Variants in ERAP2 observed in about 807,000 individuals in gnomAD.
ERAP2 encodes endoplasmic reticulum aminopeptidase 2.
A neutral mutation model predicts 111.1 loss-of-function variants in ERAP2; 118 were observed. The observed-to-expected ratio is 1.06, with a 90% CI of 0.92 to 1.24. The LOEUF is 1.24. Among genes scored for constraint, ERAP2 ranks in the 50% most tolerant of loss-of-function variants. The pLI, the probability that ERAP2 is intolerant of heterozygous loss-of-function variation, is 0.00. For missense variants in ERAP2, 1,131 were observed against 1,125.8 expected (o/e 1.00, Z -0.07); for synonymous variants, 410 against 401.2 (o/e 1.02, Z -0.26).
intron 15 of ERAP2, among the ~76,000 whole-genome samples, chr5:96,912,045 C>CCGGGCGCGGTGG (rs1470955295): frequency 1.7e-4 from 26 of 150,978 alleles, no homozygotes; most frequent in African/African-American, 6.1e-4. Context: ...AAAAAATTAG[C>CCGGGCGCGGTGG]CGGGCGCGGT....
At chr5:96,878,786 G>A (rs534469722) in intron 1 of ERAP2, among the ~76,000 whole-genome samples, 20 of 152,124 alleles carry the variant, frequency 1.3e-4, no homozygotes, top group South Asian at 6.2e-4. Flanking sequence ...AAATTAGCTG[G>A]GTGTGGTGGC....
intron 10 of ERAP2, 78 bp from the exon 11 acceptor site, chr5:96,901,428 A>C: frequency 6.7e-7 from 1 of 1,483,418 alleles, no homozygotes; most frequent in Non-Finnish European, 9.2e-7. Context: ...CTGGCATCCA[A>C]GGAGATGGAA....
intron 1 of ERAP2, among the ~76,000 whole-genome samples, chr5:96,877,185 G>A (rs573897740): frequency 1.3e-5 from 2 of 152,264 alleles, no homozygotes; most frequent in East Asian, 3.9e-4. Context: ...ATGTTGGTGA[G>A]GCTGGTCTCG....
chr5:96,884,749 C>T (rs1333251989), intron 3 of ERAP2, among the ~76,000 whole-genome samples: 5 of 151,428 alleles, frequency 3.3e-5, no homozygotes, highest in Admixed American at 6.6e-5. Context: ...TCAGTAGAGA[C>T]GGGGTTTCAC....
chr5:96,887,659 A>G (rs902324237), intron 4 of ERAP2, among the ~76,000 whole-genome samples: 6 of 152,216 alleles, frequency 3.9e-5, no homozygotes, highest in Non-Finnish European at 7.3e-5. Context: ...TATAATTTTT[A>G]GAGTCTTCGT....
At chr5:96,891,509 ATATATATGCCCATATAC>A (rs1561371915) in intron 5 of ERAP2, among the ~76,000 whole-genome samples, 5 of 31,488 alleles carry the variant, frequency 1.6e-4, no homozygotes, top group African/African-American at 2.5e-4. Context: ...GTATATATAT[ATATATATGCCCATATAC>A]GGTATATATA....
At chr5:96,912,555 T>A in intron 15 of ERAP2, 82 bp from the exon 16 acceptor site, 3 of 955,110 alleles carry the variant, frequency 3.1e-6, no homozygotes, top group Non-Finnish European at 4.7e-6. Context: ...GAGATTATTG[T>A]GTTATAGGAC....
At chr5:96,878,629 C>T (rs1026976292) in intron 1 of ERAP2, among the ~76,000 whole-genome samples, 2 of 151,142 alleles carry the variant, frequency 1.3e-5, no homozygotes, top group Non-Finnish European at 3.0e-5. Flanking sequence ...CATTGTCTTT[C>T]AAAAAAAATA....
At chr5:96,917,390 G>A in intron 18 of ERAP2, 72 bp from the exon 19 acceptor site, 1 of 1,462,024 alleles carries the variant, frequency 6.8e-7, no homozygotes, top group Non-Finnish European at 9.3e-7. Context: ...CGAAGTGCTG[G>A]GATTACAGGT....
rs1001203995 is a variant in ERAP2 at position 96,884,062 on chromosome 5, CT to C, written c.714+133del. 1.3e-3 allele frequency: 877 copies of C among 649,788 alleles called. 6 individuals are homozygous for C. In the African/African-American group the frequency reaches 0.015, roughly 11 times the overall value. 40.3% of individuals were successfully genotyped at this position (649,788 alleles called of 1,614,324 possible). ...TCTATCTATCTATCTATCTATCTATCTATCTATCTATCTATCTATCATCATA... is the reference window on the plus strand; with the variant it reads ...TCTATCTATCTATCTATCTATCTATCATCTATCTATCTATCTATCATCATA... On this transcript the variant is annotated intron_variant, in intron 3 of 18. Transcript: ENST00000437043.
At chr5:96,876,028 C>A (rs532088347), upstream of ERAP2, 1 of 152,370 alleles carries the variant, frequency 6.6e-6, no homozygotes, top group Non-Finnish European at 1.5e-5. Flanking sequence ...TGGTTACAGA[C>A]ATGGAAAATC....
chr5:96,901,596 G>A lies in ERAP2; in HGVS notation c.1663G>A (p.Asp555Asn). The A allele has an allele frequency of 6.2e-7, 1 of 1,614,110 alleles. No homozygotes were observed. Among genetic ancestry groups the A allele is most frequent in the Non-Finnish European group, 8.5e-7 (1 of 1,179,974 alleles). ...AATCCCCCTGCTGGTGGTTAAACAA[G>A]ACGGGTGTTCACTCCGACTGCAACA... ...KGIPLLVVKQ[D>N]GCSLRLQQER... Residue 555 changes from aspartate to asparagine, a missense_variant, in exon 11 of 19, where the codon GAC becomes AAC. Coordinates refer to ENST00000437043, the MANE Select transcript of ERAP2 (RefSeq NM_022350.5).
intron 3 of ERAP2, among the ~76,000 whole-genome samples, chr5:96,885,170 C>T (rs1019404588): frequency 3.3e-5 from 5 of 152,162 alleles, no homozygotes; most frequent in Non-Finnish European, 7.3e-5. Flanking sequence ...GTAGCCCAGA[C>T]GTATTTCCCC....
intron 18 of ERAP2, among the ~76,000 whole-genome samples, chr5:96,916,220 C>CA (rs5869739): frequency 7.8e-6 from 1 of 128,152 alleles, no homozygotes; most frequent in Non-Finnish European, 1.7e-5. Context: ...GACTCCATCT[C>CA]AAAAAAACAA....
chr5:96,876,404 C>T (rs1033171554), upstream of ERAP2: 2 of 152,266 alleles, frequency 1.3e-5, no homozygotes, highest in South Asian at 2.1e-4. Context: ...TTCACACCTG[C>T]GTGATAATGA....
At position 96,883,876 on chromosome 5, in the gene ERAP2, T is replaced by C. The variant is rs1783426076; in HGVS notation, c.660T>C (p.Phe220=). 6.2e-7 allele frequency: 1 copy of C among 1,613,684 alleles called. No homozygotes were observed. Among genetic ancestry groups the C allele is most frequent in the African/African-American group, 1.3e-5 (1 of 74,900 alleles). ...CFDEPLFKAN[F]SIKIRRESRH... ...ATGAACCGTTGTTCAAAGCCAACTT[T>C]TCAATCAAGATACGAAGAGAGAGCA... The change falls in exon 3 of 19, where the codon TTT becomes TTC. Residue 220 remains phenylalanine, a synonymous_variant. Coordinates refer to ENST00000437043, the MANE Select transcript of ERAP2 (RefSeq NM_022350.5).
At chr5:96,895,437 T>G in intron 7 of ERAP2, 78 bp downstream of exon 7, 1 of 1,038,572 alleles carries the variant, frequency 9.6e-7, no homozygotes, top group Non-Finnish European at 1.5e-6. Context: ...AAGTGAATGT[T>G]AAACAGAAAA....
At chr5:96,876,452 G>T (rs1342752555), upstream of ERAP2, 1 of 152,348 alleles carries the variant, frequency 6.6e-6, no homozygotes, top group Non-Finnish European at 1.5e-5. Flanking sequence ...AGCATGCAAA[G>T]TTCTGAATCT....
intron 13 of ERAP2, among the ~76,000 whole-genome samples, chr5:96,906,695 A>G (rs1302793031): frequency 6.6e-6 from 1 of 152,198 alleles, no homozygotes; most frequent in Non-Finnish European, 1.5e-5. Context: ...CAATTTGCCT[A>G]TAGAAAAAGC....
Sources: gnomAD v4.1 joint callset for allele counts (sites outside exome capture counted in the v4.1 genomes callset) on GRCh38, gnomAD v4.1.1 for gene constraint, MANE v1.5 for transcripts, NCBI Gene and HGNC (gene_info 2026-07-23, HGNC 2026-07-21) for gene names.